The following VCAN variants were observed in gnomAD, a reference collection of about 807,000 sequenced individuals.
VCAN encodes the protein versican core protein.
A neutral mutation model predicts 245.5 loss-of-function variants in VCAN; 44 were observed. The observed-to-expected ratio is 0.18, with a 90% CI of 0.14 to 0.23. VCAN has a LOEUF of 0.23. VCAN is among the 10% of genes least tolerant of loss of function. The pLI is 1.00. For missense variants in VCAN, 3,793 were observed against 4,057.9 expected (o/e 0.93, Z 1.77); for synonymous variants, 1,413 against 1,437.0 (o/e 0.98, Z 0.38).
At chr5:83,529,700 A>C (rs1256962517) in intron 7 of VCAN, among the ~76,000 whole-genome samples, 2 of 152,124 alleles carry the variant, frequency 1.3e-5, no homozygotes, top group African/African-American at 4.8e-5. Context: ...ATTTATAATA[A>C]TACTACAACC....
At chr5:83,565,390 G>GGT (rs6149088) in intron 12 of VCAN, among the ~76,000 whole-genome samples, 1,790 of 149,222 alleles carry the variant, frequency 0.012, 23 homozygotes, top group East Asian at 0.053. Context: ...TATGTGTAAG[G>GGT]GTGTGTGTGT....
rs771990709 is a variant in VCAN at position 83,512,433 on chromosome 5, A to T, written c.1042+37A>T. 6.3e-6 allele frequency: 10 copies of T among 1,599,978 alleles called. No homozygotes were observed. In the East Asian group the frequency reaches 6.7e-5, roughly 11 times the overall value. The stretch of plus-strand genomic sequence containing the variant: ...ATACCTTTTTAAAAATTACAGTTTT[A>T]AAAAAAATGCTTCGAAGCATGCATT... On this transcript the variant is annotated intron_variant, in intron 6 of 14. Transcript: ENST00000265077.
In VCAN at chr5:83,580,039, C is replaced by T. The variant is rs1456742038; in HGVS notation, c.9940C>T (p.Arg3314Cys). The change falls in exon 14 of 15, where the codon CGT becomes TGT. Residue 3314 changes from arginine (R) to cysteine (C), a missense_variant. Transcript: ENST00000265077. The part of the protein sequence containing the change: ...NAKTFGKMKP[R>C]YEINSLIRYH... ...CAAGACCTTTGGAAAGATGAAACCTCGTTATGAAATCAACTCCCTGATTAG... is the reference window on the plus strand; with the variant it reads ...CAAGACCTTTGGAAAGATGAAACCTTGTTATGAAATCAACTCCCTGATTAG... 2.5e-6 allele frequency: 4 copies of T among 1,614,104 alleles called. No individual in the cohort carries two copies. The highest frequency in any genetic ancestry group is 2.7e-5 in the African/African-American group (2 of 75,026).
In VCAN at chr5:83,503,498, A is replaced by G. The variant is rs570100733; in HGVS notation, c.749-8605A>G. ...ACATTTACAAATGTTGAACTTTTGTAGTAAAATAACAACAACAACAAGAAC... is the reference window on the plus strand; with the variant it reads ...ACATTTACAAATGTTGAACTTTTGTGGTAAAATAACAACAACAACAAGAAC... On this transcript the variant is annotated intron_variant, in intron 5 of 14. Coordinates refer to ENST00000265077, the MANE Select transcript of VCAN (RefSeq NM_004385.5). Among the ~76,000 whole-genome samples, 104 of 152,352 alleles carry G rather than the reference A, an allele frequency of 6.8e-4. No individual in the cohort carries two copies. In the Middle Eastern group the frequency reaches 0.014, roughly 20 times the overall value.
At chr5:83,515,647 T>C (rs1745819466) in intron 6 of VCAN, among the ~76,000 whole-genome samples, 1 of 152,240 alleles carries the variant, frequency 6.6e-6, no homozygotes, top group South Asian at 2.1e-4. Flanking sequence ...GTTTCATCAT[T>C]GTTTAGCACA....
In VCAN at chr5:83,538,902, A is replaced by C; in HGVS notation, c.5899A>C (p.Thr1967Pro). ...CTCTGGAGATGCAGCATTTAGGGACACCCAGACTTCACCATCTACAGTACC... is the reference window on the plus strand; with the variant it reads ...CTCTGGAGATGCAGCATTTAGGGACCCCCAGACTTCACCATCTACAGTACC... The part of the protein sequence containing the change: ...EGSGDAAFRD[T>P]QTSPSTVPTS... The change falls in exon 8 of 15, where the codon ACC becomes CCC. Residue 1967 changes from threonine to proline, a missense_variant. By Grantham distance (38) the Thr-to-Pro change is conservative. Coordinates refer to ENST00000265077, the MANE Select transcript of VCAN (RefSeq NM_004385.5). 1.9e-6 allele frequency: 3 copies of C among 1,613,978 alleles called. No homozygotes were observed. The highest frequency in any genetic ancestry group is 2.5e-6 in the Non-Finnish European group (3 of 1,179,952).
chr5:83,573,667 A>T (rs1427744787), intron 13 of VCAN, among the ~76,000 whole-genome samples: 1 of 152,202 alleles, frequency 6.6e-6, no homozygotes, highest in Non-Finnish European at 1.5e-5. Context: ...GACAATAAAA[A>T]CATACATATA....
At chr5:83,568,407 T>G (rs1201874624) in intron 12 of VCAN, among the ~76,000 whole-genome samples, 1 of 152,182 alleles carries the variant, frequency 6.6e-6, no homozygotes, top group Non-Finnish European at 1.5e-5. Context: ...ACTACAGCTC[T>G]GCCAAGCAAC....
intron 12 of VCAN, among the ~76,000 whole-genome samples, chr5:83,567,179 TTATCA>T (rs1160922708): frequency 2.0e-5 from 3 of 152,092 alleles, no homozygotes; most frequent in African/African-American, 7.2e-5. Flanking sequence ...TAAAGCAATT[TTATCA>T]TATATTATCC....
At chr5:83,480,072 A>G (rs1744560377) in intron 1 of VCAN, among the ~76,000 whole-genome samples, 2 of 152,286 alleles carry the variant, frequency 1.3e-5, no homozygotes, top group South Asian at 4.1e-4. Flanking sequence ...TGATTTTTTG[A>G]AAGAAGTTAG....
intron 7 of VCAN, among the ~76,000 whole-genome samples, chr5:83,523,704 G>T (rs1746186744): frequency 6.6e-6 from 1 of 152,004 alleles, no homozygotes; most frequent in Non-Finnish European, 1.5e-5. Context: ...ACTTCCCAAT[G>T]CAGTTTAAAA....
chr5:83,577,840 GTAAA>G (rs541684298), intron 13 of VCAN, among the ~76,000 whole-genome samples: 16 of 152,232 alleles, frequency 1.1e-4, no homozygotes, highest in Middle Eastern at 3.4e-3. Context: ...GCATATGTGT[GTAAA>G]TCTCTTTCTG....
In VCAN at chr5:83,512,386, C is replaced by T; in HGVS notation, c.1032C>T (p.Tyr344=). The T allele has an allele frequency of 1.2e-6, 2 of 1,612,426 alleles. 1 individual carries two copies. The highest frequency in any genetic ancestry group is 2.2e-5 in the South Asian group (2 of 91,000). ...FPPPDSRFDA[Y]CFKPKEATTI... The stretch of plus-strand genomic sequence containing the variant: ...CCCCTGATAGCAGATTTGATGCCTA[C>T]TGCTTTAAACGTAAGTGTTTGATAC... Residue 344 remains tyrosine, a synonymous_variant, in exon 6 of 15, where the codon TAC becomes TAT. Transcript: ENST00000265077.
chr5:83,550,934 TG>T (rs1482402463), intron 10 of VCAN, among the ~76,000 whole-genome samples: 2 of 125,932 alleles, frequency 1.6e-5, no homozygotes, highest in Admixed American at 8.0e-5. Flanking sequence ...TAGTTGGCTT[TG>T]TTTTTTTTTT....
intron 8 of VCAN, among the ~76,000 whole-genome samples, chr5:83,544,089 C>G (rs1004368593): frequency 6.6e-6 from 1 of 152,234 alleles, no homozygotes; most frequent in Non-Finnish European, 1.5e-5. Context: ...TGATAAAGCA[C>G]TTTCACCTAG....
chr5:83,579,856 C>A, intron 13 of VCAN, 124 bp from the exon 14 acceptor site: 1 of 1,053,740 alleles, frequency 9.5e-7, no homozygotes, highest in Non-Finnish European at 1.4e-6. Flanking sequence ...ATTCTTAATT[C>A]TAAAAGATTG....
intron 7 of VCAN, among the ~76,000 whole-genome samples, chr5:83,529,924 T>G (rs954739837): frequency 1.3e-5 from 2 of 152,162 alleles, no homozygotes; most frequent in African/African-American, 4.8e-5. Context: ...TAGACTGTTT[T>G]GTTCTAAATA....
chr5:83,486,985 C>T (rs1411402557), intron 2 of VCAN, among the ~76,000 whole-genome samples: 2 of 152,182 alleles, frequency 1.3e-5, no homozygotes, highest in South Asian at 2.1e-4. Context: ...CAACGACTAA[C>T]ATAAATGAAC....
At chr5:83,501,575 C>T (rs560046202) in intron 5 of VCAN, among the ~76,000 whole-genome samples, 6 of 152,112 alleles carry the variant, frequency 3.9e-5, no homozygotes, top group African/African-American at 1.2e-4. Context: ...GACCTTGGCA[C>T]CCTGTTGAAA....
Sources: gnomAD v4.1 joint callset for allele counts (sites outside exome capture counted in the v4.1 genomes callset) on GRCh38, gnomAD v4.1.1 for gene constraint, MANE v1.5 for transcripts, NCBI Gene and HGNC (gene_info 2026-07-23, HGNC 2026-07-21) for gene names.